UBE4B: variants seen among roughly 807,000 people sequenced by gnomAD.
UBE4B encodes the protein ubiquitin conjugation factor E4 B.
A neutral mutation model predicts 148.1 loss-of-function variants in UBE4B; 27 were observed. That is an observed-to-expected ratio of 0.18 (90% CI 0.13 to 0.25). The LOEUF is 0.25. UBE4B is among the 10% of genes least tolerant of loss of function. The probability of loss-of-function intolerance (pLI) is 1.00; values close to 1 mark genes in which losing one functional copy is unlikely to be tolerated. For missense variants in UBE4B, 1,170 were observed against 1,662.4 expected, an observed-to-expected ratio of 0.70 and a Z score of 5.15; for synonymous variants, 596 against 619.3, an observed-to-expected ratio of 0.96 and a Z score of 0.56.
chr1:10,152,449 A>G (rs1236055724), intron 21 of UBE4B, among the ~76,000 whole-genome samples: 6 of 151,902 alleles, frequency 3.9e-5, no homozygotes, highest in Non-Finnish European at 7.4e-5. Flanking sequence ...TGAGAATGCA[A>G]ATTTAAAGCC....
chr1:10,084,558 A>AT (rs932806120), intron 2 of UBE4B, among the ~76,000 whole-genome samples: 1 of 152,016 alleles, frequency 6.6e-6, no homozygotes, highest in African/African-American at 2.4e-5. Flanking sequence ...GAAAAAAAAA[A>AT]CTATCTTGTG....
chr1:10,142,044 A>ATTT lies in UBE4B; in HGVS notation c.2364-2887_2364-2885dup, dbSNP rs113950298. Among the ~76,000 whole-genome samples, 1,294 of 148,468 alleles carry ATTT rather than the reference A, an allele frequency of 8.7e-3. 11 individuals are homozygous for ATTT. The highest frequency in any genetic ancestry group is 0.019 in the African/African-American group (785 of 40,850). On this transcript the variant is annotated intron_variant, in intron 17 of 27. Transcript: ENST00000343090. ...AAGAATTTAAAATCTGAAGCCTGTCATTTTTTTTTTTCTATAAGCTCCACC... is the reference window on the plus strand; with the variant it reads ...AAGAATTTAAAATCTGAAGCCTGTCATTTTTTTTTTTTTTCTATAAGCTCCACC...
intron 17 of UBE4B, among the ~76,000 whole-genome samples, chr1:10,144,280 A>G (rs1645831607): frequency 6.6e-6 from 1 of 152,160 alleles, no homozygotes; most frequent in African/African-American, 2.4e-5. Flanking sequence ...TGGGTAATTG[A>G]ATAGGCAAAG....
chr1:10,105,896 A>T, intron 6 of UBE4B, 152 bp downstream of exon 6: 1 of 957,558 alleles, frequency 1.0e-6, no homozygotes, highest in Non-Finnish European at 1.5e-6. Context: ...TTGGAAGTGG[A>T]ATTCTCTTTT....
At chr1:10,101,956 G>T (rs1044272540) in intron 4 of UBE4B, among the ~76,000 whole-genome samples, 3 of 151,338 alleles carry the variant, frequency 2.0e-5, no homozygotes, top group African/African-American at 7.3e-5. Context: ...TATCACCTGA[G>T]CTTAGTGCTC....
In UBE4B at chr1:10,122,005, A is replaced by G. The variant is rs1204411594; in HGVS notation, c.1483A>G (p.Arg495Gly). Residue 495 changes from arginine to glycine, a missense_variant, in exon 10 of 28, where the codon AGG becomes GGG. Physicochemically the swap from Arg to Gly is moderately radical, Grantham distance 125 (BLOSUM62 -2). Coordinates refer to ENST00000343090, the MANE Select transcript of UBE4B (RefSeq NM_001105562.3). ...PSFLVPYMLC[R>G]NLPYGFIQEL... ...CTTCCTAGTGCCGTATATGCTGTGT[A>G]GGAATCTCCCATATGGCTTCATTCA... 11 of 1,613,736 alleles carry G rather than the reference A, an allele frequency of 6.8e-6. No homozygotes were observed. The highest frequency in any genetic ancestry group is 1.3e-5 in the African/African-American group (1 of 74,958).
intron 2 of UBE4B, among the ~76,000 whole-genome samples, chr1:10,092,220 C>T (rs1205544384): frequency 7.0e-6 from 1 of 142,184 alleles, no homozygotes; most frequent in African/African-American, 2.9e-5. Context: ...TGAGACCCAT[C>T]TCTTTTGTTT....
At chr1:10,141,557 ACAG>A (rs1645782515) in intron 17 of UBE4B, among the ~76,000 whole-genome samples, 1 of 152,206 alleles carries the variant, frequency 6.6e-6, no homozygotes, top group Non-Finnish European at 1.5e-5. Context: ...GTAACTTGTT[ACAG>A]CAGCAATAGA....
intron 25 of UBE4B, among the ~76,000 whole-genome samples, chr1:10,175,602 G>A (rs941467443): frequency 2.0e-5 from 3 of 152,022 alleles, no homozygotes; most frequent in African/African-American, 7.2e-5. Flanking sequence ...AGTGAGCCGA[G>A]ATCGCGCCAC....
chr1:10,064,588 T>C (rs539894418), intron 1 of UBE4B, among the ~76,000 whole-genome samples: 1 of 152,202 alleles, frequency 6.6e-6, no homozygotes, highest in South Asian at 2.1e-4. Flanking sequence ...TCTGCATCAT[T>C]ATCATTACCC....
intron 14 of UBE4B, among the ~76,000 whole-genome samples, chr1:10,131,964 C>A (rs1474587647): frequency 2.7e-5 from 4 of 149,346 alleles, no homozygotes; most frequent in Admixed American, 6.7e-5. Context: ...AAAAAAAAAA[C>A]AACAAAAATG....
rs893672917 is a variant in UBE4B, at chr1:10,168,872, A to G, written c.3333+602A>G. 6.6e-6 allele frequency among the ~76,000 whole-genome samples: 1 copy of G among 151,056 alleles called. No homozygotes were observed. The highest frequency in any genetic ancestry group is 2.4e-5 in the African/African-American group (1 of 40,968). Reference sequence around the variant, plus strand: ...GTGCCACTGCACTCCAGCCTGGGCGACAGAGTGAGACTCCATCTCAAAAAA... The same window carrying G: ...GTGCCACTGCACTCCAGCCTGGGCGGCAGAGTGAGACTCCATCTCAAAAAA... On this transcript the variant is annotated intron_variant, in intron 24 of 27. Coordinates refer to ENST00000343090, the MANE Select transcript of UBE4B (RefSeq NM_001105562.3). This position sits in a 1 kb window ranked among gnomAD's most constrained non-coding sequence, Gnocchi z 4.9.
chr1:10,149,282 A>G lies in UBE4B; in HGVS notation c.2690A>G (p.Gln897Arg). 6.3e-7 allele frequency: 1 copy of G among 1,595,244 alleles called. No homozygotes were observed. The highest frequency in any genetic ancestry group is 8.5e-7 in the Non-Finnish European group (1 of 1,171,266). ...GCAGAATTTTTATTTTTTATTGTAC[A>G]GTAAGTGCCTTTAATATTTTACATA... ...DVAEFLFFIV[Q>R]YSPQALYEPC... Residue 897 changes from glutamine (Q) to arginine (R), a missense_variant and splice_region_variant, in exon 20 of 28, where the codon CAA becomes CGA. Coordinates refer to ENST00000343090, the MANE Select transcript of UBE4B (RefSeq NM_001105562.3).
chr1:10,136,965 C>A (rs35609175), intron 16 of UBE4B, 102 bp from the exon 17 acceptor site: 3 of 1,277,056 alleles, frequency 2.3e-6, no homozygotes, highest in Non-Finnish European at 3.3e-6. Context: ...TATCTTTAAA[C>A]TTCATAAAAA....
At chr1:10,082,192 G>T (rs1644693338) in intron 2 of UBE4B, among the ~76,000 whole-genome samples, 1 of 151,976 alleles carries the variant, frequency 6.6e-6, no homozygotes. Context: ...TTATATTTTA[G>T]TGAGAGAAAA....
chr1:10,048,183 C>A (rs536146261), intron 1 of UBE4B, among the ~76,000 whole-genome samples: 2 of 152,234 alleles, frequency 1.3e-5, no homozygotes, highest in East Asian at 3.9e-4. Flanking sequence ...GCTTTTCTAC[C>A]ACAGGGATAC....
intron 7 of UBE4B, among the ~76,000 whole-genome samples, chr1:10,117,066 A>G (rs1310706907): frequency 6.6e-6 from 1 of 152,188 alleles, no homozygotes; most frequent in Non-Finnish European, 1.5e-5. Context: ...TCAGTCCCTT[A>G]TAACTTTTCC....
At chr1:10,069,762 A>AG (rs1054709566) in intron 1 of UBE4B, among the ~76,000 whole-genome samples, 1 of 152,076 alleles carries the variant, frequency 6.6e-6, no homozygotes, top group African/African-American at 2.4e-5. Context: ...CTCGAACTCC[A>AG]GACCTCAAAT....
At position 10,077,528 on chromosome 1, in the gene UBE4B, C is replaced by T. The variant is rs985183409; in HGVS notation, c.211+5314C>T. Among the ~76,000 whole-genome samples the T allele has an allele frequency of 3.3e-5, 5 of 152,206 alleles. No homozygotes were observed. In the South Asian group the frequency reaches 1.0e-3, roughly 31 times the overall value. On this transcript the variant is annotated intron_variant, in intron 2 of 27. Coordinates refer to ENST00000343090, the MANE Select transcript of UBE4B (RefSeq NM_001105562.3). Reference sequence around the variant, plus strand: ...GGAGCCTTGCCAGTGTTGCTCATCCCCTTACCCCCAGCACCGTGCTTAGCA... The same window carrying T: ...GGAGCCTTGCCAGTGTTGCTCATCCTCTTACCCCCAGCACCGTGCTTAGCA...
Sources: gnomAD v4.1 joint callset for allele counts (sites outside exome capture counted in the v4.1 genomes callset) on GRCh38, gnomAD v4.1.1 for gene constraint, Gnocchi (gnomAD v3.1) non-coding constraint, MANE v1.5 for transcripts, NCBI Gene and HGNC (gene_info 2026-07-23, HGNC 2026-07-21) for gene names.